Variants in FGF14 observed in about 807,000 individuals in gnomAD.
FGF14 encodes the protein fibroblast growth factor 14.
A neutral mutation model predicts 25.5 loss-of-function variants in FGF14; 5 were observed. That is an observed-to-expected ratio of 0.20 (90% CI 0.10 to 0.41). The LOEUF is 0.41. Ranked by LOEUF, FGF14 falls within the 10% of genes least tolerant of loss-of-function variation. The pLI, the probability that FGF14 is intolerant of heterozygous loss-of-function variation, is 1.00. For synonymous variants in FGF14, 138 were observed against 118.3 expected (o/e 1.17, Z -1.08); for missense variants, 222 against 320.1 (o/e 0.69, Z 2.34).
chr13:101,996,390 C>T (rs914496223), intron 1 of FGF14, among the ~76,000 whole-genome samples: 1 of 151,914 alleles, frequency 6.6e-6, no homozygotes, highest in African/African-American at 2.4e-5. Context: ...ACTCCAGTGG[C>T]AAAATGGATG....
intron 1 of FGF14, among the ~76,000 whole-genome samples, chr13:101,955,301 A>G (rs1455118612): frequency 6.6e-6 from 1 of 152,222 alleles, no homozygotes; most frequent in African/African-American, 2.4e-5. Context: ...TCTACACTGC[A>G]ATTGGGTTTA....
chr13:101,774,388 G>C (rs1016218731), intron 3 of FGF14, among the ~76,000 whole-genome samples: 5 of 152,120 alleles, frequency 3.3e-5, no homozygotes, highest in Non-Finnish European at 5.9e-5. Flanking sequence ...GTCTTTCACT[G>C]GGAGGCTTAA....
At position 102,346,507 on chromosome 13, in the gene FGF14, T is replaced by A. The variant is rs529982290; in HGVS notation, c.208+54964A>T. On this transcript the variant is annotated intron_variant, in intron 1 of 4. Transcript: ENST00000376131. ...ATTGCTTCTCAAGGCAGAATGGAAC[T>A]CTGTTTACTGACATAAAGAGACTAT... Among the ~76,000 whole-genome samples, 3 of 152,266 alleles carry A rather than the reference T, an allele frequency of 2.0e-5. No individual in the cohort carries two copies. The South Asian group carries it at 6.2e-4, about 32-fold the overall frequency.
intron 1 of FGF14, among the ~76,000 whole-genome samples, chr13:102,241,169 A>C (rs934157764): frequency 1.3e-5 from 2 of 152,114 alleles, no homozygotes; most frequent in African/African-American, 4.8e-5. Flanking sequence ...GGGCACTCAT[A>C]CAGAAAGGGG....
chr13:101,846,919 G>A (rs2043493380), intron 3 of FGF14, among the ~76,000 whole-genome samples: 1 of 152,068 alleles, frequency 6.6e-6, no homozygotes, highest in African/African-American at 2.4e-5. Context: ...TTAATTGGGA[G>A]AAGAAGTCAT....
At chr13:101,739,226 C>A (rs1409348633) in intron 3 of FGF14, among the ~76,000 whole-genome samples, 2 of 150,920 alleles carry the variant, frequency 1.3e-5, no homozygotes, top group Non-Finnish European at 2.9e-5. Flanking sequence ...TCCATTTATT[C>A]TTTACTTAAT....
intron 3 of FGF14, among the ~76,000 whole-genome samples, chr13:101,813,493 A>G (rs1594343746): frequency 6.6e-6 from 1 of 150,584 alleles, no homozygotes; most frequent in Non-Finnish European, 1.5e-5. Flanking sequence ...AGAAGCCTTC[A>G]CCAGACACCA....
intron 3 of FGF14, among the ~76,000 whole-genome samples, chr13:101,752,414 CA>C (rs1177846310): frequency 6.6e-6 from 1 of 151,968 alleles, no homozygotes; most frequent in Non-Finnish European, 1.5e-5. Flanking sequence ...GCATAAAATA[CA>C]AAAGAACAGT....
intron 1 of FGF14, among the ~76,000 whole-genome samples, chr13:102,155,397 C>A (rs2140527147): frequency 6.6e-6 from 1 of 152,308 alleles, no homozygotes; most frequent in Admixed American, 6.5e-5. Context: ...ACTGAACAAC[C>A]TGCTCTGAAT....
chr13:101,913,157 A>G (rs2033123318), intron 1 of FGF14, among the ~76,000 whole-genome samples: 1 of 152,200 alleles, frequency 6.6e-6, no homozygotes, highest in Non-Finnish European at 1.5e-5. Flanking sequence ...TGAATGTAGA[A>G]GTGAGGAGAA....
intron 1 of FGF14, among the ~76,000 whole-genome samples, chr13:102,290,132 A>G (rs1363306469): frequency 1.3e-5 from 2 of 152,188 alleles, no homozygotes; most frequent in Non-Finnish European, 2.9e-5. Flanking sequence ...CAAAATTCAC[A>G]TGTTGACAGT....
chr13:102,316,907 G>A (rs1015971339), intron 1 of FGF14, among the ~76,000 whole-genome samples: 1 of 152,148 alleles, frequency 6.6e-6, no homozygotes, highest in Non-Finnish European at 1.5e-5. Context: ...CTTTCAGGAT[G>A]ATTGAGATGT....
chr13:101,797,757 G>A (rs1203663980), intron 3 of FGF14, among the ~76,000 whole-genome samples: 2 of 150,222 alleles, frequency 1.3e-5, no homozygotes, highest in African/African-American at 2.5e-5. Context: ...GTGTGTGTGT[G>A]TGTGTGTGTG....
chr13:102,302,516 C>T (rs973023277), intron 1 of FGF14, among the ~76,000 whole-genome samples: 5 of 152,078 alleles, frequency 3.3e-5, no homozygotes, highest in Admixed American at 2.6e-4. Flanking sequence ...AATTTACATC[C>T]CCAATCCTCA....
intron 1 of FGF14, among the ~76,000 whole-genome samples, chr13:101,991,299 C>T (rs1252544921): frequency 6.6e-6 from 1 of 152,026 alleles, no homozygotes; most frequent in Non-Finnish European, 1.5e-5. Context: ...AAGGATGTCT[C>T]TTCCATAAGG....
At chr13:101,760,839 T>G (rs1267487761) in intron 3 of FGF14, among the ~76,000 whole-genome samples, 2 of 152,208 alleles carry the variant, frequency 1.3e-5, no homozygotes, top group Non-Finnish European at 2.9e-5. Context: ...CACTGGAATG[T>G]AAGTCCTAGA....
chr13:102,256,860 A>G (rs2052466352), intron 1 of FGF14, among the ~76,000 whole-genome samples: 1 of 152,246 alleles, frequency 6.6e-6, no homozygotes, highest in Non-Finnish European at 1.5e-5. Context: ...TCAGGTTTAT[A>G]AATTAAATCT....
intron 3 of FGF14, among the ~76,000 whole-genome samples, chr13:101,782,350 C>T (rs752657955): frequency 3.9e-5 from 6 of 152,184 alleles, no homozygotes; most frequent in Non-Finnish European, 5.9e-5. Context: ...ATTCACACCT[C>T]GATTGCTACA....
chr13:101,961,691 A>G (rs1186544086), intron 1 of FGF14, among the ~76,000 whole-genome samples: 3 of 152,150 alleles, frequency 2.0e-5, no homozygotes, highest in South Asian at 2.1e-4. Flanking sequence ...ATGAGGTGTC[A>G]GGAGATCTAA....
Sources: gnomAD v4.1 joint callset for allele counts (sites outside exome capture counted in the v4.1 genomes callset) on GRCh38, gnomAD v4.1.1 for gene constraint, MANE v1.5 for transcripts, NCBI Gene and HGNC (gene_info 2026-07-23, HGNC 2026-07-21) for gene names.